Variants in LHFPL4 observed in about 807,000 individuals in gnomAD.
LHFPL4 encodes LHFPL tetraspan subfamily member 4.
A neutral mutation model predicts 20.0 loss-of-function variants in LHFPL4; 6 were observed. The ratio of observed to expected loss-of-function variants is 0.30; its 90% CI spans 0.16 to 0.59. The LOEUF is 0.59. Ranked by LOEUF, LHFPL4 falls within the 20% of genes least tolerant of loss-of-function variation. The probability of loss-of-function intolerance (pLI) is 0.88; values close to 1 mark genes in which losing one functional copy is unlikely to be tolerated. For synonymous variants in LHFPL4, 129 were observed against 143.8 expected (o/e 0.90, Z 0.74); for missense variants, 215 against 331.2 (o/e 0.65, Z 2.72).
At position 9,552,734 on chromosome 3, in the gene LHFPL4, G is replaced by C. The variant is rs1462117135; in HGVS notation, c.-55C>G. 2 of 1,103,626 alleles carry C rather than the reference G, an allele frequency of 1.8e-6. No homozygotes were observed. The highest frequency in any genetic ancestry group is 3.4e-5 in the African/African-American group (2 of 59,642). 68.4% of individuals were successfully genotyped at this position (1,103,626 alleles called of 1,614,324 possible). Reference sequence around the variant, plus strand: ...GCGGCTGGCGGGGGCCGCCGGCCCGGGACGGAGCGCCGGGCTGCCGGGCGG... The same window carrying C: ...GCGGCTGGCGGGGGCCGCCGGCCCGCGACGGAGCGCCGGGCTGCCGGGCGG... On this transcript the variant is annotated 5_prime_UTR_variant, in exon 2 of 4. Coordinates refer to ENST00000287585, the MANE Select transcript of LHFPL4 (RefSeq NM_198560.3).
At chr3:9,539,818 A>AAT (rs148612897) in intron 2 of LHFPL4, among the ~76,000 whole-genome samples, 4 of 151,994 alleles carry the variant, frequency 2.6e-5, no homozygotes, top group East Asian at 1.9e-4. Flanking sequence ...ACAGTTTAAA[A>AAT]ATATATATAT....
In LHFPL4 at chr3:9,506,217, C is replaced by T; in HGVS notation, c.407-14G>A. On this transcript the variant is annotated splice_polypyrimidine_tract_variant and intron_variant, in intron 2 of 3. Transcript: ENST00000287585. This position sits in a 1 kb window ranked among gnomAD's most constrained non-coding sequence, Gnocchi z 4.5. ...CGAGGCACAGAGCTGAGGGGCAGAG[C>T]ACCGGGCCCACCACCACGGTCAGGA... The T allele has an allele frequency of 1.3e-6, 2 of 1,589,026 alleles. No individual in the cohort carries two copies. Among genetic ancestry groups the T allele is most frequent in the Non-Finnish European group, 1.7e-6 (2 of 1,157,196 alleles).
At chr3:9,541,531 G>A (rs1202142878) in intron 2 of LHFPL4, among the ~76,000 whole-genome samples, 1 of 152,126 alleles carries the variant, frequency 6.6e-6, no homozygotes, top group East Asian at 1.9e-4. Context: ...CAGCACTTTG[G>A]GAGGCCAAGG....
intron 2 of LHFPL4, among the ~76,000 whole-genome samples, chr3:9,536,889 A>G (rs1275757696): frequency 6.6e-6 from 1 of 150,882 alleles, no homozygotes; most frequent in African/African-American, 2.4e-5. Flanking sequence ...ACTGCATTCC[A>G]GCCTGGGTGA....
chr3:9,529,083 C>A (rs2046393363), intron 2 of LHFPL4, among the ~76,000 whole-genome samples: 1 of 151,724 alleles, frequency 6.6e-6, no homozygotes, highest in African/African-American at 2.4e-5. Context: ...GGCTGGAGTG[C>A]AGTGGCACTA....
intron 2 of LHFPL4, among the ~76,000 whole-genome samples, chr3:9,529,270 AC>A (rs1398759693): frequency 6.6e-6 from 1 of 150,620 alleles, no homozygotes; most frequent in Non-Finnish European, 1.5e-5. Context: ...CTTGTGATCC[AC>A]CCACCTTGGC....
At chr3:9,545,156 G>A (rs765910588) in intron 2 of LHFPL4, among the ~76,000 whole-genome samples, 7 of 151,748 alleles carry the variant, frequency 4.6e-5, no homozygotes, top group Non-Finnish European at 8.8e-5. Flanking sequence ...GGGAAGGAAA[G>A]GAGAACAGAA....
intron 2 of LHFPL4, among the ~76,000 whole-genome samples, chr3:9,527,019 G>C (rs1037919212): frequency 1.3e-5 from 2 of 152,066 alleles, no homozygotes; most frequent in African/African-American, 4.8e-5. Context: ...GGAAGAGAAG[G>C]AGGGAGGGAA....
intron 2 of LHFPL4, among the ~76,000 whole-genome samples, chr3:9,510,639 T>TA (rs1206023348): frequency 1.3e-5 from 2 of 151,850 alleles, no homozygotes; most frequent in Non-Finnish European, 1.5e-5. Flanking sequence ...ATACTATTGT[T>TA]AAAAATAGTG....
intron 2 of LHFPL4, among the ~76,000 whole-genome samples, chr3:9,544,549 C>T (rs747268885): frequency 3.3e-5 from 5 of 152,012 alleles, no homozygotes; most frequent in South Asian, 2.1e-4. Context: ...TGCGTGAACC[C>T]GGGAGGCAGA....
rs935431562 is a variant in LHFPL4, at chr3:9,552,732, C to T, written c.-53G>A. On this transcript the variant is annotated 5_prime_UTR_variant, in exon 2 of 4. Coordinates refer to ENST00000287585, the MANE Select transcript of LHFPL4 (RefSeq NM_198560.3). ...CGGCGGCTGGCGGGGGCCGCCGGCC[C>T]GGGACGGAGCGCCGGGCTGCCGGGC... 9.1e-7 allele frequency: 1 copy of T among 1,097,260 alleles called. No homozygotes were observed. Among genetic ancestry groups the T allele is most frequent in the African/African-American group, 1.7e-5 (1 of 59,544 alleles). 68.0% of individuals were successfully genotyped at this position (1,097,260 alleles called of 1,614,324 possible).
intron 3 of LHFPL4, among the ~76,000 whole-genome samples, chr3:9,503,741 A>G (rs901811697): frequency 2.0e-5 from 3 of 152,222 alleles, no homozygotes; most frequent in African/African-American, 4.8e-5. Context: ...AAAGCATACA[A>G]TGTGCCAGGT....
At chr3:9,545,715 C>G (rs1405743060) in intron 2 of LHFPL4, among the ~76,000 whole-genome samples, 2 of 151,524 alleles carry the variant, frequency 1.3e-5, no homozygotes, top group Non-Finnish European at 2.9e-5. Context: ...GACTCCATCT[C>G]AAAATAAATA....
In LHFPL4 at chr3:9,521,232, C is replaced by CTTT. The variant is rs34985785; in HGVS notation, c.407-15032_407-15030dup. On this transcript the variant is annotated intron_variant, in intron 2 of 3. Transcript: ENST00000287585. ...ATTTCCTTTTCCTTTTCTTCTTCTT[C>CTTT]TTTTTTTTTTTTTTGACAGTGTGGC... Among the ~76,000 whole-genome samples, 168 of 139,416 alleles carry CTTT rather than the reference C, an allele frequency of 1.2e-3. 1 individual carries two copies. Among genetic ancestry groups the CTTT allele is most frequent in the African/African-American group, 4.3e-3 (161 of 37,408 alleles). The allele number at this position is 139,416 out of a possible 152,430, so 91.5% of individuals were successfully genotyped here. A position where few individuals can be genotyped will look rare whatever the true frequency, so the allele number is the denominator to read the frequency against.
intron 2 of LHFPL4, among the ~76,000 whole-genome samples, chr3:9,549,442 T>C (rs1393288454): frequency 6.6e-6 from 1 of 152,214 alleles, no homozygotes; most frequent in African/African-American, 2.4e-5. Context: ...ATGCCTGTAA[T>C]CCCAGCATTT....
At chr3:9,536,170 G>A (rs2046443167) in intron 2 of LHFPL4, among the ~76,000 whole-genome samples, 1 of 152,182 alleles carries the variant, frequency 6.6e-6, no homozygotes, top group African/African-American at 2.4e-5. Flanking sequence ...TGTCTCACAG[G>A]GAGATCCCCC....
chr3:9,543,735 T>TTG (rs2046493400), intron 2 of LHFPL4, among the ~76,000 whole-genome samples: 1 of 146,190 alleles, frequency 6.8e-6, no homozygotes, highest in African/African-American at 2.5e-5. Flanking sequence ...TTTGGTTTTT[T>TTG]TTTTTTTTTT....
chr3:9,505,152 G>A (rs2046208284), intron 3 of LHFPL4, among the ~76,000 whole-genome samples: 1 of 152,192 alleles, frequency 6.6e-6, no homozygotes, highest in Admixed American at 6.5e-5. Flanking sequence ...CTTCTCATGG[G>A]TTTGTACCCG....
chr3:9,510,560 C>G (rs1396899464), intron 2 of LHFPL4, among the ~76,000 whole-genome samples: 1 of 152,040 alleles, frequency 6.6e-6, no homozygotes, highest in Non-Finnish European at 1.5e-5. Context: ...CTGACTTTCT[C>G]TGCTCCAAGC....
Sources: allele counts gnomAD v4.1 joint callset (sites outside exome capture counted in the v4.1 genomes callset), GRCh38; gene constraint gnomAD v4.1.1; non-coding constraint Gnocchi (gnomAD v3.1); transcripts MANE v1.5; gene names NCBI Gene and HGNC (gene_info 2026-07-23, HGNC 2026-07-21).